Variants in RBFOX1 observed in about 807,000 individuals in gnomAD.
RBFOX1 encodes RNA binding protein fox-1 homolog 1.
A neutral mutation model predicts 57.7 loss-of-function variants in RBFOX1; 8 were observed. The observed-to-expected ratio is 0.14, with a 90% CI of 0.08 to 0.25. The LOEUF (loss-of-function observed/expected upper bound fraction) is 0.25. Ranked by LOEUF, RBFOX1 falls within the 10% of genes least tolerant of loss-of-function variation. The probability of loss-of-function intolerance (pLI) is 1.00; values close to 1 mark genes in which losing one functional copy is unlikely to be tolerated. For synonymous variants in RBFOX1, 326 were observed against 222.4 expected (o/e 1.47, Z -4.15); for missense variants, 611 against 548.5 (o/e 1.11, Z -1.14).
chr16:5,408,670 A>C (rs117594213), intron 1 of RBFOX1, among the ~76,000 whole-genome samples: 1,693 of 152,328 alleles, frequency 0.011, 24 homozygotes, highest in Non-Finnish European at 0.018. Context: ...TCATTGGCTC[A>C]TGGTTCTGCA....
intron 2 of RBFOX1, among the ~76,000 whole-genome samples, chr16:6,500,746 A>G (rs546510889): frequency 6.6e-6 from 1 of 152,272 alleles, no homozygotes; most frequent in South Asian, 2.1e-4. Context: ...ACTGCATGTC[A>G]AGATGTTGTT....
intron 3 of RBFOX1, among the ~76,000 whole-genome samples, chr16:6,963,881 G>C (rs955587494): frequency 1.3e-5 from 2 of 151,926 alleles, no homozygotes; most frequent in South Asian, 4.2e-4. Flanking sequence ...TGTATTTTTA[G>C]TAGAGATGGG....
intron 2 of RBFOX1, among the ~76,000 whole-genome samples, chr16:6,633,584 G>A (rs2098407478): frequency 6.6e-6 from 1 of 152,132 alleles, no homozygotes; most frequent in South Asian, 2.1e-4. Flanking sequence ...CTGAGACACT[G>A]CGCCTGGCCA....
At chr16:5,945,715 G>A (rs2059388164) in intron 4 of RBFOX1, among the ~76,000 whole-genome samples, 1 of 152,208 alleles carries the variant, frequency 6.6e-6, no homozygotes, top group African/African-American at 2.4e-5. Flanking sequence ...GGTAGAATCT[G>A]CAAACCTCCA....
intron 4 of RBFOX1, among the ~76,000 whole-genome samples, chr16:5,883,192 T>C (rs1038121552): frequency 5.3e-5 from 8 of 152,160 alleles, no homozygotes; most frequent in African/African-American, 1.7e-4. Context: ...TAATAATTTT[T>C]TTTTGCAGGA....
intron 3 of RBFOX1, among the ~76,000 whole-genome samples, chr16:6,695,572 A>T (rs954609944): frequency 2.2e-5 from 1 of 46,038 alleles, no homozygotes; most frequent in African/African-American, 3.5e-5. Context: ...TGTTTCAAGT[A>T]TGAGATATAG....
intron 14 of RBFOX1, among the ~76,000 whole-genome samples, chr16:7,702,593 G>A (rs530739750): frequency 5.9e-5 from 9 of 152,328 alleles, no homozygotes; most frequent in East Asian, 3.9e-4. Flanking sequence ...AGTAGCTGGG[G>A]CAGTGCTGCA....
chr16:6,631,076 G>A (rs1016901316), intron 2 of RBFOX1, among the ~76,000 whole-genome samples: 2 of 152,074 alleles, frequency 1.3e-5, no homozygotes, highest in Non-Finnish European at 2.9e-5. Context: ...GAGAGAGAGG[G>A]CATTTGGAGG....
At chr16:6,581,173 G>A (rs925623128) in intron 2 of RBFOX1, among the ~76,000 whole-genome samples, 4 of 152,016 alleles carry the variant, frequency 2.6e-5, no homozygotes, top group Non-Finnish European at 5.9e-5. Flanking sequence ...CCTGCGCCAC[G>A]CCCACCCCTA....
At chr16:6,854,911 T>C (rs557340442) in intron 3 of RBFOX1, among the ~76,000 whole-genome samples, 63 of 151,988 alleles carry the variant, frequency 4.1e-4, no homozygotes, top group African/African-American at 1.4e-3. Flanking sequence ...ATAATTTTTT[T>C]ATTCTGGTTT....
chr16:7,593,068 G>T (rs2094524723), intron 7 of RBFOX1, among the ~76,000 whole-genome samples: 1 of 151,804 alleles, frequency 6.6e-6, no homozygotes, highest in Non-Finnish European at 1.5e-5. Flanking sequence ...TCCTGCCTTG[G>T]CCTCCCAAAC....
At chr16:6,993,753 G>T (rs1453858435) in intron 3 of RBFOX1, among the ~76,000 whole-genome samples, 1 of 152,106 alleles carries the variant, frequency 6.6e-6, no homozygotes, top group East Asian at 1.9e-4. Context: ...CCATGGGCAT[G>T]GGGCAGGGGA....
chr16:5,268,917 AT>A (rs149694271), intron 1 of RBFOX1, among the ~76,000 whole-genome samples: 40,909 of 144,864 alleles, frequency 0.28, 5,610 homozygotes, highest in South Asian at 0.42. Context: ...TATTTTCTCT[AT>A]TTTTTTTTTT....
intron 1 of RBFOX1, among the ~76,000 whole-genome samples, chr16:6,208,424 A>G (rs1433795800): frequency 2.8e-4 from 2 of 7,160 alleles, no homozygotes; most frequent in Admixed American, 9.3e-3. Flanking sequence ...GCATGTGCTT[A>G]GTGTAAGGTG....
chr16:6,338,443 T>G (rs940932095), intron 2 of RBFOX1, among the ~76,000 whole-genome samples: 1 of 152,210 alleles, frequency 6.6e-6, no homozygotes, highest in Non-Finnish European at 1.5e-5. Context: ...TGTGCCTAGA[T>G]GGAAATCTGA....
At chr16:6,628,581 A>G (rs1253792390) in intron 2 of RBFOX1, among the ~76,000 whole-genome samples, 1 of 152,168 alleles carries the variant, frequency 6.6e-6, no homozygotes, top group Non-Finnish European at 1.5e-5. Flanking sequence ...TGCATTTCAA[A>G]GTGACTTGCA....
chr16:7,078,976 C>A (rs59616300), intron 4 of RBFOX1, among the ~76,000 whole-genome samples: 3 of 143,070 alleles, frequency 2.1e-5, no homozygotes, highest in African/African-American at 5.1e-5. Context: ...CCAACAAGAC[C>A]CTATTTTCAA....
At chr16:7,227,426 T>A (rs2093208368) in intron 4 of RBFOX1, among the ~76,000 whole-genome samples, 1 of 152,084 alleles carries the variant, frequency 6.6e-6, no homozygotes, top group South Asian at 2.1e-4. Flanking sequence ...TTTTGCATGC[T>A]CTGTCCCCAA....
intron 2 of RBFOX1, among the ~76,000 whole-genome samples, chr16:6,378,349 G>A (rs976038952): frequency 2.0e-5 from 3 of 152,218 alleles, no homozygotes; most frequent in Admixed American, 6.5e-5. Flanking sequence ...CAGACCCTGC[G>A]ATCCTGGTGC....
Sources: gnomAD v4.1 joint callset for allele counts (sites outside exome capture counted in the v4.1 genomes callset) on GRCh38, gnomAD v4.1.1 for gene constraint, MANE v1.5 for transcripts, NCBI Gene and HGNC (gene_info 2026-07-23, HGNC 2026-07-21) for gene names.